The following A2ML1 variants were observed in gnomAD, a reference collection of about 807,000 sequenced individuals.
A2ML1 encodes alpha-2-macroglobulin like 1, also known as alpha-2-macroglobulin-like protein 1.
Under a neutral mutation model 181.9 loss-of-function variants are expected in A2ML1, and 161 were observed. The ratio of observed to expected loss-of-function variants is 0.89; its 90% confidence interval spans 0.78 to 1.01. The LOEUF is 1.01. A2ML1 is among the 50% of genes least tolerant of loss of function. The pLI, the probability that A2ML1 is intolerant of heterozygous loss-of-function variation, is 0.00. For missense variants in A2ML1, 1,670 were observed against 1,768.1 expected (o/e 0.94, Z 1.00); for synonymous variants, 663 against 666.8 (o/e 0.99, Z 0.09).
At chr12:8,824,013 G>T (rs1942839365) in intron 3 of A2ML1, 131 bp downstream of exon 3, 4 of 1,033,702 alleles carry the variant, frequency 3.9e-6, no homozygotes, top group East Asian at 2.5e-5. Flanking sequence ...AATCTGGGGG[G>T]ATTAAGTAGT....
Position 8,843,283 on chromosome 12 carries a change from G to C in A2ML1, c.1398G>C (p.Gln466His). 6.2e-7 allele frequency: 1 copy of C among 1,614,182 alleles called. No individual in the cohort carries two copies. The highest frequency in any genetic ancestry group is 8.5e-7 in the Non-Finnish European group (1 of 1,180,038). The change falls in exon 12 of 36, where the codon CAG becomes CAC. Residue 466 changes from glutamine (Q) to histidine (H), a missense_variant. Transcript: ENST00000299698. The stretch of plus-strand genomic sequence containing the variant: ...TAAACGGCCCCTTGAAATGTGGCCA[G>C]CCCCAGGAAGTGCTGGTGGATTATT... ...HRLNGPLKCG[Q>H]PQEVLVDYYI...
chr12:8,844,132 T>A (rs372595162), intron 12 of A2ML1, among the ~76,000 whole-genome samples: 1 of 151,146 alleles, frequency 6.6e-6, no homozygotes, highest in East Asian at 1.9e-4. Flanking sequence ...CACAGGAAAA[T>A]TGTGTGGGAA....
intron 7 of A2ML1, among the ~76,000 whole-genome samples, chr12:8,882,633 C>G (rs1053673078): frequency 9.2e-5 from 14 of 152,030 alleles, no homozygotes; most frequent in Non-Finnish European, 1.8e-4. Context: ...ATTCAACTAA[C>G]CCTTAGAATT....
At chr12:8,844,261 C>CTT (rs376853548) in intron 12 of A2ML1, among the ~76,000 whole-genome samples, 46 of 139,532 alleles carry the variant, frequency 3.3e-4, no homozygotes, top group South Asian at 2.8e-3. Flanking sequence ...ACTCAGGATA[C>CTT]TTTTTTTTTT....
rs780222495 is a variant in A2ML1 at position 8,838,446 on chromosome 12, G to C, written c.966G>C (p.Gly322=). The C allele has an allele frequency of 1.2e-6, 2 of 1,612,976 alleles. No homozygotes were observed. Among genetic ancestry groups the C allele is most frequent in the Middle Eastern group, 3.3e-4 (2 of 6,062 alleles). Residue 322 remains glycine (G), a synonymous_variant, in exon 9 of 36, where the codon GGG becomes GGC. Coordinates refer to ENST00000299698, the MANE Select transcript of A2ML1 (RefSeq NM_144670.6). The stretch of plus-strand genomic sequence containing the variant: ...TTGTGGCTACTGTTGTGGAGGAAGG[G>C]ACAGGTAAGTAGGGTGCTCCTTGGC... ...INIVATVVEE[G]TGVEANATQN... is the part of the protein sequence containing the mutation.
intron 4 of A2ML1, among the ~76,000 whole-genome samples, chr12:8,830,410 G>A (rs1943072739): frequency 1.7e-5 from 1 of 60,056 alleles, no homozygotes; most frequent in African/African-American, 4.0e-5. Context: ...ACTGACAAAA[G>A]CATTTTTTTT....
rs1468711 is a variant in A2ML1 at position 8,855,722 on chromosome 12, G to C, written c.2848+130G>C. On this transcript the variant is annotated intron_variant, in intron 23 of 35. Coordinates refer to ENST00000299698, the MANE Select transcript of A2ML1 (RefSeq NM_144670.6). ...TAACAAGTGATGAAGGAAAAAGAGC[G>C]TATTTTATATAGGAGGGAAATACAG... The C allele has an allele frequency of 0.46, 359,512 of 781,176 alleles. 87,527 individuals carry two copies. Among genetic ancestry groups the C allele is most frequent in the East Asian group, 0.78 (30,476 of 39,320 alleles). The allele number at this position is 781,176 out of a possible 1,614,324, so 48.4% of individuals were successfully genotyped here. A position where few individuals can be genotyped will look rare whatever the true frequency, so the allele number is the denominator to read the frequency against.
intron 3 of A2ML1, among the ~76,000 whole-genome samples, chr12:8,828,595 C>G (rs1272940899): frequency 6.6e-6 from 1 of 152,136 alleles, no homozygotes; most frequent in African/African-American, 2.4e-5. Flanking sequence ...TGCTGTACCC[C>G]ACTGTGGCTG....
chr12:8,851,197 G>C (rs1355964291), intron 18 of A2ML1, among the ~76,000 whole-genome samples: 1 of 152,012 alleles, frequency 6.6e-6, no homozygotes, highest in Non-Finnish European at 1.5e-5. Flanking sequence ...TATCCATTTT[G>C]ACAAGCCCTG....
intron 3 of A2ML1, among the ~76,000 whole-genome samples, chr12:8,824,331 T>G (rs1395029713): frequency 6.7e-6 from 1 of 149,818 alleles, no homozygotes; most frequent in Non-Finnish European, 1.5e-5. Context: ...TATGTTTGGG[T>G]TTTTTTTATT....
At position 8,835,591 on chromosome 12, in the gene A2ML1, G is replaced by A. The variant is rs774161525; in HGVS notation, c.568G>A (p.Glu190Lys). 6 of 1,614,222 alleles carry A rather than the reference G, an allele frequency of 3.7e-6. No individual in the cohort carries two copies. Among genetic ancestry groups the A allele is most frequent in the South Asian group, 1.1e-5 (1 of 91,080 alleles). ...IVDLSFQLAP[E>K]AMLGTYTVAV... ...AGACCTGTCCTTCCAACTGGCACCAGAGGCAATGCTGGGCACCTACACTGT... is the reference window on the plus strand; with the variant it reads ...AGACCTGTCCTTCCAACTGGCACCAAAGGCAATGCTGGGCACCTACACTGT... The change falls in exon 6 of 36, where the codon GAG becomes AAG. Residue 190 changes from glutamate (E) to lysine (K), a missense_variant. Transcript: ENST00000299698.
chr12:8,852,071 G>C lies in A2ML1; in HGVS notation c.2463+59G>C, dbSNP rs4882965. The C allele has an allele frequency of 0.42, 667,436 of 1,592,068 alleles. 146,740 individuals are homozygous for C. Among genetic ancestry groups the C allele is most frequent in the East Asian group, 0.78 (34,735 of 44,660 alleles). On this transcript the variant is annotated intron_variant, in intron 19 of 35. Transcript: ENST00000299698. The surrounding 1 kb of genome is among the most constrained non-coding windows in gnomAD (Gnocchi z 4.2). Reference sequence around the variant, plus strand: ...CCCTGGAATCACACCTCCCCCATAAGTTTGTCTCTAAATTGGAAGCATCCC... The same window carrying C: ...CCCTGGAATCACACCTCCCCCATAACTTTGTCTCTAAATTGGAAGCATCCC...
intron 4 of A2ML1, among the ~76,000 whole-genome samples, chr12:8,832,057 C>G (rs1943134477): frequency 6.6e-6 from 1 of 152,044 alleles, no homozygotes; most frequent in Non-Finnish European, 1.5e-5. Context: ...GCCAGGAAAT[C>G]GAGTTTTTAA....
Position 8,857,202 on chromosome 12 carries a change from C to T in A2ML1, c.2887C>T (p.Leu963=). 1 of 1,612,836 alleles carries T rather than the reference C, an allele frequency of 6.2e-7. No homozygotes were observed. Among genetic ancestry groups the T allele is most frequent in the Non-Finnish European group, 8.5e-7 (1 of 1,180,010 alleles). Residue 963 remains leucine (L), a synonymous_variant, in exon 24 of 36, where the codon CTG becomes TTG. Coordinates refer to ENST00000299698, the MANE Select transcript of A2ML1 (RefSeq NM_144670.6). ...CACAGCCCTGCAGAACCTGGATGGT[C>T]TGGTGCAGATGCCCAGTGGCTGTGG... is the stretch of plus-strand genomic sequence containing the variant. The part of the protein sequence containing the change: ...MGTALQNLDG[L]VQMPSGCGEQ...
chr12:8,884,237 T>G (rs369870120), intron 7 of A2ML1, among the ~76,000 whole-genome samples: 4,036 of 143,302 alleles, frequency 0.028, 225 homozygotes, highest in African/African-American at 0.1. Context: ...TTTTGTTTTT[T>G]TTTGTTTTGT....
intron 34 of A2ML1, 40 bp from the exon 35 acceptor site, chr12:8,874,931 A>G: frequency 6.2e-7 from 1 of 1,605,342 alleles, no homozygotes; most frequent in Non-Finnish European, 8.5e-7. Flanking sequence ...TGAATATAGG[A>G]GGCCCTCAAA....
At position 8,823,819 on chromosome 12, in the gene A2ML1, C is replaced by T; in HGVS notation, c.346C>T (p.Gln116Ter). 1 of 1,614,118 alleles carries T rather than the reference C, an allele frequency of 6.2e-7. No homozygotes were observed. Among genetic ancestry groups the T allele is most frequent in the South Asian group, 1.1e-5 (1 of 91,068 alleles). ...TGAGGAGAAGAAAAAGGTTCTAATTCAGAGGCAGGGGAACGGCACCTTTGT... is the reference window on the plus strand; with the variant it reads ...TGAGGAGAAGAAAAAGGTTCTAATTTAGAGGCAGGGGAACGGCACCTTTGT... ...SFEEKKKVLI[Q>*]RQGNGTFVQT... Residue 116 changes from glutamine to a stop codon, truncating the protein, a stop_gained, in exon 3 of 36, where the codon CAG becomes TAG. Coordinates refer to ENST00000299698, the MANE Select transcript of A2ML1 (RefSeq NM_144670.6). LOFTEE classifies it high-confidence loss of function.
In A2ML1 at chr12:8,874,314, C is replaced by T. The variant is rs1330903123; in HGVS notation, c.4222-111C>T. 7.4e-6 allele frequency: 6 copies of T among 808,038 alleles called. No homozygotes were observed. The East Asian group carries it at 8.3e-5, about 11-fold the overall frequency. The allele number at this position is 808,038 out of a possible 1,614,324, so 50.1% of individuals were successfully genotyped here. A position where few individuals can be genotyped will look rare whatever the true frequency, so the allele number is the denominator to read the frequency against. ...TAGAGGCATGAGCCACCGTGCCTGG[C>T]GGGGCTTCAGAAAATCTACATGAAG... On this transcript the variant is annotated intron_variant, in intron 33 of 35. Coordinates refer to ENST00000299698, the MANE Select transcript of A2ML1 (RefSeq NM_144670.6).
At chr12:8,881,976 A>G (rs1944876056) in intron 7 of A2ML1, among the ~76,000 whole-genome samples, 1 of 151,696 alleles carries the variant, frequency 6.6e-6, no homozygotes, top group Non-Finnish European at 1.5e-5. Flanking sequence ...GCGCCACTGC[A>G]CTCCAGCCTG....
Sources: gnomAD v4.1 joint callset for allele counts (sites outside exome capture counted in the v4.1 genomes callset) on GRCh38, gnomAD v4.1.1 for gene constraint, Gnocchi (gnomAD v3.1) non-coding constraint, MANE v1.5 for transcripts, NCBI Gene and HGNC (gene_info 2026-07-23, HGNC 2026-07-21) for gene names.